Variants in ROCK2 observed in about 807,000 individuals in gnomAD.
The protein encoded by ROCK2 is Rho associated coiled-coil containing protein kinase 2, also known as rho-associated protein kinase 2.
A neutral mutation model predicts 195.1 loss-of-function variants in ROCK2; 61 were observed. That is an observed-to-expected ratio of 0.31 (90% confidence interval 0.25 to 0.39). The LOEUF (loss-of-function observed/expected upper bound fraction) is 0.39. Ranked by LOEUF, ROCK2 falls within the 10% of genes least tolerant of loss-of-function variation. The probability of loss-of-function intolerance (pLI) is 1.00; values close to 1 mark genes in which losing one functional copy is unlikely to be tolerated. For synonymous variants in ROCK2, 504 were observed against 545.5 expected (o/e 0.92, Z 1.06); for missense variants, 1,109 against 1,637.4 (o/e 0.68, Z 5.57).
At chr2:11,208,468 A>C in intron 18 of ROCK2, 21 bp from the exon 19 acceptor site, 1 of 1,380,340 alleles carries the variant, frequency 7.2e-7, no homozygotes, top group South Asian at 1.7e-5. Flanking sequence ...AAAAATGGAC[A>C]CAATCATAAA....
At chr2:11,212,107 G>A (rs1026306874) in intron 17 of ROCK2, among the ~76,000 whole-genome samples, 2 of 151,764 alleles carry the variant, frequency 1.3e-5, no homozygotes, top group African/African-American at 4.8e-5. Flanking sequence ...TAGAGACAAG[G>A]TCTCATTAAA....
chr2:11,201,215 T>G lies in ROCK2; in HGVS notation c.2724-72A>C. On this transcript the variant is annotated intron_variant, in intron 22 of 32. Coordinates refer to ENST00000315872, the MANE Select transcript of ROCK2 (RefSeq NM_004850.5). This position sits in a 1 kb window ranked among gnomAD's most constrained non-coding sequence, Gnocchi z 4.6. ...AAGTGAAAGTTTTTGTCTAATTCAC[T>G]TCATCAATAATTTTTTATTTGGTGA... 1 of 1,535,976 alleles carries G rather than the reference T, an allele frequency of 6.5e-7. No individual in the cohort carries two copies. The highest frequency in any genetic ancestry group is 2.3e-5 in the East Asian group (1 of 44,358).
chr2:11,250,071 AT>A (rs1665777719), intron 3 of ROCK2, among the ~76,000 whole-genome samples: 1 of 152,204 alleles, frequency 6.6e-6, no homozygotes. Flanking sequence ...GTGAAGCTTC[AT>A]TCTCTCATAT....
chr2:11,208,489 A>G (rs1558292101), intron 18 of ROCK2, 42 bp from the exon 19 acceptor site: 1 of 1,219,054 alleles, frequency 8.2e-7, no homozygotes, highest in Non-Finnish European at 1.1e-6. Flanking sequence ...TTTACAAATA[A>G]AAGAAGCATA....
intron 5 of ROCK2, among the ~76,000 whole-genome samples, chr2:11,234,850 T>C (rs915618266): frequency 6.6e-6 from 1 of 152,086 alleles, no homozygotes; most frequent in African/African-American, 2.4e-5. Flanking sequence ...GTCATACAGG[T>C]GGCATGAACA....
intron 3 of ROCK2, among the ~76,000 whole-genome samples, chr2:11,285,015 C>A (rs1429586314): frequency 1.3e-5 from 2 of 152,172 alleles, no homozygotes; most frequent in Non-Finnish European, 2.9e-5. Flanking sequence ...GTAATCCCAG[C>A]ATTTTGGGAG....
intron 1 of ROCK2, among the ~76,000 whole-genome samples, chr2:11,289,801 T>C (rs1277120266): frequency 6.6e-6 from 1 of 152,206 alleles, no homozygotes; most frequent in Non-Finnish European, 1.5e-5. Context: ...GATTAACTAA[T>C]CTGGAAAGTT....
intron 18 of ROCK2, among the ~76,000 whole-genome samples, chr2:11,209,446 A>C (rs1664174111): frequency 6.6e-6 from 1 of 152,260 alleles, no homozygotes; most frequent in East Asian, 1.9e-4. Flanking sequence ...ATGACCAAGG[A>C]AACGCTCACA....
chr2:11,261,583 C>T (rs988575783), intron 3 of ROCK2, among the ~76,000 whole-genome samples: 28 of 152,176 alleles, frequency 1.8e-4, no homozygotes, highest in Non-Finnish European at 3.5e-4. Context: ...CTTTGGGAGG[C>T]TGAGGCGGGT....
chr2:11,241,721 G>A (rs969504557), intron 4 of ROCK2, among the ~76,000 whole-genome samples: 11 of 152,272 alleles, frequency 7.2e-5, no homozygotes, highest in East Asian at 5.8e-4. Context: ...ATGGAAACAC[G>A]TAAAATTGAA....
chr2:11,235,540 T>C lies in ROCK2; in HGVS notation c.723+162A>G, dbSNP rs1330260191. ...ATGATTACAAAAGAAATGTTTTAAG[T>C]TGGTTAAGGAAATGTTTTAAGTTGG... On this transcript the variant is annotated intron_variant, in intron 5 of 32. Coordinates refer to ENST00000315872, the MANE Select transcript of ROCK2 (RefSeq NM_004850.5). The surrounding 1 kb of genome is among the most constrained non-coding windows in gnomAD (Gnocchi z 4.2). 2.0e-5 allele frequency among the ~76,000 whole-genome samples: 3 copies of C among 152,286 alleles called. No individual in the cohort carries two copies. The East Asian group carries it at 5.8e-4, about 29-fold the overall frequency.
In ROCK2 at chr2:11,224,306, A is replaced by G; in HGVS notation, c.1007+16T>C. The stretch of plus-strand genomic sequence containing the variant: ...ACATAAAGGGCTTCTCTACAAAGAA[A>G]TTCAATGTACATTACCTATCTGTTA... On this transcript the variant is annotated intron_variant, in intron 7 of 32. Transcript: ENST00000315872. 2 of 1,587,712 alleles carry G rather than the reference A, an allele frequency of 1.3e-6. No homozygotes were observed. The highest frequency in any genetic ancestry group is 1.7e-6 in the Non-Finnish European group (2 of 1,169,898).
At chr2:11,316,868 T>C (rs545212881) in intron 1 of ROCK2, among the ~76,000 whole-genome samples, 2 of 152,254 alleles carry the variant, frequency 1.3e-5, no homozygotes, top group African/African-American at 4.8e-5. Context: ...TCAAAATTTC[T>C]CAGTGAATTA....
At chr2:11,276,988 AAC>A (rs1406554507) in intron 3 of ROCK2, among the ~76,000 whole-genome samples, 3 of 152,082 alleles carry the variant, frequency 2.0e-5, no homozygotes, top group African/African-American at 7.2e-5. Flanking sequence ...TATTTTTTAG[AAC>A]AGTTTTAGGT....
At chr2:11,292,305 CTTGA>C (rs201136658) in intron 1 of ROCK2, among the ~76,000 whole-genome samples, 2,308 of 152,214 alleles carry the variant, frequency 0.015, 39 homozygotes, top group South Asian at 0.028. Context: ...AGGGACCTTT[CTTGA>C]TTACTTTGCA....
intron 29 of ROCK2, 54 bp from the exon 30 acceptor site, chr2:11,193,911 TATTA>T (rs147107375): frequency 0.028 from 27,282 of 964,604 alleles, 528 homozygotes; most frequent in Non-Finnish European, 0.034. Flanking sequence ...TCAAATTATA[TATTA>T]ATTATTCTAT....
intron 4 of ROCK2, among the ~76,000 whole-genome samples, chr2:11,237,787 A>G (rs962428405): frequency 6.6e-6 from 1 of 152,250 alleles, no homozygotes; most frequent in Admixed American, 6.5e-5. Context: ...TGACAAAATG[A>G]AGAATAGCTG....
At position 11,214,861 on chromosome 2, in the gene ROCK2, C is replaced by G; in HGVS notation, c.1915G>C (p.Glu639Gln). The G allele has an allele frequency of 1.2e-6, 2 of 1,611,444 alleles. No individual in the cohort carries two copies. The highest frequency in any genetic ancestry group is 2.2e-5 in the South Asian group (2 of 91,046). The change falls in exon 16 of 33, where the codon GAG (glutamate) becomes CAG (glutamine). Residue 639 changes from glutamate to glutamine, a missense_variant. Around this residue, in one of 6 missense-constraint regions of ROCK2, gnomAD observed 542 missense variants for 672.0 expected, o/e 0.81. Transcript: ENST00000315872. ...ATACCTTGTAAATCATTAATTATCT[C>G]TGATCCATGGGTTCGATCCCTCCTT... ...SERRDRTHGSEIINDLQGRIC... is the reference protein window; with the variant it reads ...SERRDRTHGSQIINDLQGRIC...
intron 3 of ROCK2, among the ~76,000 whole-genome samples, chr2:11,273,864 G>A (rs1230165399): frequency 3.3e-5 from 5 of 151,168 alleles, no homozygotes; most frequent in Non-Finnish European, 7.4e-5. Context: ...GGGAGGTGGA[G>A]CTGGCAGTGA....
Sources: gnomAD v4.1 joint callset for allele counts (sites outside exome capture counted in the v4.1 genomes callset) on GRCh38, gnomAD v4.1.1 for gene constraint, gnomAD v4.1.1 regional missense constraint, Gnocchi (gnomAD v3.1) non-coding constraint, MANE v1.5 for transcripts, NCBI Gene and HGNC (gene_info 2026-07-23, HGNC 2026-07-21) for gene names.